Variants in METTL15 observed in about 807,000 individuals in gnomAD.
METTL15 encodes 12S rRNA N(4)-cytidine methyltransferase METTL15.
A neutral mutation model predicts 38.3 loss-of-function variants in METTL15; 34 were observed. The observed-to-expected ratio is 0.89, with a 90% CI of 0.68 to 1.18. The LOEUF is 1.18. Ranked by LOEUF, METTL15 falls within the 50% of genes most tolerant of loss-of-function variation. The pLI is 0.00. For synonymous variants in METTL15, 162 were observed against 170.9 expected, an observed-to-expected ratio of 0.95 and a Z score of 0.41; for missense variants, 438 against 498.4, an observed-to-expected ratio of 0.88 and a Z score of 1.15.
intron 4 of METTL15, among the ~76,000 whole-genome samples, chr11:28,356,573 G>A (rs975434648): frequency 6.6e-6 from 1 of 152,182 alleles, no homozygotes; most frequent in African/African-American, 2.4e-5. Context: ...TAGAAAGAAA[G>A]CCAAGCCAGG....
At chr11:28,329,328 G>C (rs1174334359) in intron 6 of METTL15, among the ~76,000 whole-genome samples, 1 of 152,062 alleles carries the variant, frequency 6.6e-6, no homozygotes, top group African/African-American at 2.4e-5. Flanking sequence ...TGCTATGCCA[G>C]TACCACACTG....
At position 28,317,402 on chromosome 11, in the gene METTL15, C is replaced by T. The variant is rs558332759; in HGVS notation, c.779-12994C>T. On this transcript the variant is annotated intron_variant, in intron 6 of 6. Coordinates refer to ENST00000407364, the MANE Select transcript of METTL15 (RefSeq NM_001113528.2). ...GGCAAAAGGACATGGGTTGCGTCAC[C>T]GAGACTTATTAAATGTGATGGAAAT... Among the ~76,000 whole-genome samples the T allele has an allele frequency of 2.5e-4, 38 of 152,022 alleles. No individual in the cohort carries two copies. The Middle Eastern group carries it at 0.01, about 41-fold the overall frequency.
intron 6 of METTL15, among the ~76,000 whole-genome samples, chr11:28,492,429 G>A (rs1283439579): frequency 1.3e-5 from 2 of 152,026 alleles, no homozygotes; most frequent in African/African-American, 2.4e-5. Flanking sequence ...GGTCCTGTGG[G>A]GGGTGGTAAG....
At chr11:28,250,400 T>C (rs889594745) in intron 4 of METTL15, among the ~76,000 whole-genome samples, 1 of 152,036 alleles carries the variant, frequency 6.6e-6, no homozygotes, top group African/African-American at 2.4e-5. Context: ...TTTTGGACTT[T>C]TAAAAAATGC....
chr11:28,411,518 A>G (rs1193447172), intron 5 of METTL15, among the ~76,000 whole-genome samples: 2 of 152,062 alleles, frequency 1.3e-5, no homozygotes, highest in Non-Finnish European at 2.9e-5. Context: ...TAATGTTGGG[A>G]AAACTGTATT....
chr11:28,374,672 A>C (rs1040602889), intron 5 of METTL15, among the ~76,000 whole-genome samples: 9 of 150,134 alleles, frequency 6.0e-5, no homozygotes, highest in African/African-American at 1.9e-4. Flanking sequence ...TCTCCTGCCT[A>C]ATTGCCCTGG....
chr11:28,451,446 G>C (rs529667616), intron 6 of METTL15, among the ~76,000 whole-genome samples: 1 of 151,988 alleles, frequency 6.6e-6, no homozygotes, highest in African/African-American at 2.4e-5. Context: ...TTAGCCAGGC[G>C]TGGTGGCGGG....
At chr11:28,433,954 G>A (rs1165253417) in intron 6 of METTL15, among the ~76,000 whole-genome samples, 1 of 152,110 alleles carries the variant, frequency 6.6e-6, no homozygotes, top group Non-Finnish European at 1.5e-5. Context: ...TCCTTCCTAA[G>A]TGAAGGATGG....
chr11:28,187,304 A>G (rs1851533000), intron 3 of METTL15, among the ~76,000 whole-genome samples: 1 of 151,140 alleles, frequency 6.6e-6, no homozygotes, highest in Non-Finnish European at 1.5e-5. Context: ...GTTGCTAGAG[A>G]TTTTTAGAAT....
chr11:28,163,689 C>T (rs1850554687), intron 3 of METTL15: 1 of 373,788 alleles, frequency 2.7e-6, no homozygotes, highest in Non-Finnish European at 4.7e-6. Flanking sequence ...ACCCTGAGAA[C>T]TTAATATACT....
intron 6 of METTL15, among the ~76,000 whole-genome samples, chr11:28,466,088 C>T (rs1028995585): frequency 6.6e-6 from 1 of 152,106 alleles, no homozygotes; most frequent in Non-Finnish European, 1.5e-5. Flanking sequence ...TCTTAAGGAA[C>T]TCAAGAATAT....
chr11:28,296,016 A>C (rs1419776467), intron 5 of METTL15, among the ~76,000 whole-genome samples: 1 of 152,132 alleles, frequency 6.6e-6, no homozygotes, highest in Non-Finnish European at 1.5e-5. Context: ...CTGACAGAGT[A>C]AATGCTGTTT....
At chr11:28,208,541 A>G (rs918407328) in intron 3 of METTL15, among the ~76,000 whole-genome samples, 3 of 152,016 alleles carry the variant, frequency 2.0e-5, no homozygotes, top group Admixed American at 6.6e-5. Context: ...TATGTGGTCA[A>G]TTTTGGAATA....
chr11:28,475,412 C>T (rs1851337645), intron 6 of METTL15, among the ~76,000 whole-genome samples: 1 of 152,092 alleles, frequency 6.6e-6, no homozygotes, highest in Admixed American at 6.6e-5. Flanking sequence ...AAGATTTCTA[C>T]TTACTTAGTC....
chr11:28,126,866 G>A (rs958857674), intron 3 of METTL15, among the ~76,000 whole-genome samples: 1 of 152,106 alleles, frequency 6.6e-6, no homozygotes, highest in African/African-American at 2.4e-5. Flanking sequence ...AGTGCTCTTA[G>A]ATCTCCGAAC....
chr11:28,478,344 G>C (rs2133470341), intron 6 of METTL15, among the ~76,000 whole-genome samples: 2 of 152,262 alleles, frequency 1.3e-5, no homozygotes, highest in Middle Eastern at 6.8e-3. Context: ...TGGTGATTAT[G>C]AGTCTATGCC....
intron 4 of METTL15, among the ~76,000 whole-genome samples, chr11:28,257,940 G>A (rs868841267): frequency 6.6e-6 from 1 of 152,094 alleles, no homozygotes; most frequent in African/African-American, 2.4e-5. Context: ...CTTGATACTT[G>A]TAGATGTTCT....
intron 6 of METTL15, among the ~76,000 whole-genome samples, chr11:28,312,980 T>A (rs1857358889): frequency 6.6e-6 from 1 of 152,030 alleles, no homozygotes; most frequent in Non-Finnish European, 1.5e-5. Context: ...TTTTTTTTTT[T>A]CTTTCTTTTT....
At chr11:28,525,157 G>C (rs1003167595) in intron 6 of METTL15, among the ~76,000 whole-genome samples, 1 of 152,166 alleles carries the variant, frequency 6.6e-6, no homozygotes, top group Non-Finnish European at 1.5e-5. Context: ...GCAGCAGCAA[G>C]ATTTATTGCA....
Sources: gnomAD v4.1 joint callset for allele counts (sites outside exome capture counted in the v4.1 genomes callset) on GRCh38, gnomAD v4.1.1 for gene constraint, MANE v1.5 for transcripts, NCBI Gene and HGNC (gene_info 2026-07-23, HGNC 2026-07-21) for gene names.